SUFU: variants seen among roughly 807,000 people sequenced by gnomAD.
SUFU encodes the protein suppressor of fused homolog.
Under a neutral mutation model 58.9 loss-of-function variants are expected in SUFU, and 7 were observed. That is an observed-to-expected ratio of 0.12 (90% confidence interval 0.07 to 0.22). SUFU has a LOEUF of 0.22. Ranked by LOEUF, SUFU falls within the 10% of genes least tolerant of loss-of-function variation. The probability of loss-of-function intolerance (pLI) is 1.00; values close to 1 mark genes in which losing one functional copy is unlikely to be tolerated. For synonymous variants in SUFU, 232 were observed against 254.8 expected (o/e 0.91, Z 0.85); for missense variants, 451 against 641.3 (o/e 0.70, Z 3.20).
intron 6 of SUFU, among the ~76,000 whole-genome samples, chr10:102,595,061 A>G (rs1248573788): frequency 2.6e-5 from 4 of 152,170 alleles, no homozygotes; most frequent in African/African-American, 7.2e-5. Flanking sequence ...AGCAGGAGCC[A>G]CAGACAGCTA....
At chr10:102,568,939 T>TATATATACATATATATAC (rs1564685799) in intron 3 of SUFU, among the ~76,000 whole-genome samples, 3 of 43,762 alleles carry the variant, frequency 6.9e-5, no homozygotes, top group African/African-American at 2.5e-4. Flanking sequence ...TATATATATA[T>TATATATACATATATATAC]ATATATATAT....
chr10:102,592,287 T>C (rs929601706), intron 3 of SUFU, among the ~76,000 whole-genome samples: 1 of 152,192 alleles, frequency 6.6e-6, no homozygotes, highest in Non-Finnish European at 1.5e-5. Flanking sequence ...AGTCGGGATA[T>C]TGGGGAAGCG....
At chr10:102,571,481 A>G (rs1006773575) in intron 3 of SUFU, among the ~76,000 whole-genome samples, 10 of 151,416 alleles carry the variant, frequency 6.6e-5, no homozygotes, top group African/African-American at 2.4e-4. Context: ...CCTGGGCAAC[A>G]TGCCGAAACC....
chr10:102,614,417 A>T (rs1441387642), intron 8 of SUFU, among the ~76,000 whole-genome samples: 1 of 149,736 alleles, frequency 6.7e-6, no homozygotes, highest in Non-Finnish European at 1.5e-5. Context: ...AATTAGCTGG[A>T]CATGATGGCA....
chr10:102,529,255 G>A (rs565012893), intron 2 of SUFU, among the ~76,000 whole-genome samples: 1 of 152,100 alleles, frequency 6.6e-6, no homozygotes, highest in African/African-American at 2.4e-5. Context: ...ACTGAATTCT[G>A]TTGTAATGGC....
intron 3 of SUFU, among the ~76,000 whole-genome samples, chr10:102,588,845 A>G (rs565646647): frequency 1.7e-4 from 26 of 152,222 alleles, no homozygotes; most frequent in Non-Finnish European, 3.1e-4. Context: ...CCTTTGTTAA[A>G]TGAAGCATTG....
chr10:102,597,013 A>G, intron 6 of SUFU, 127 bp from the exon 7 acceptor site: 2 of 1,132,240 alleles, frequency 1.8e-6, no homozygotes, highest in Non-Finnish European at 2.6e-6. Flanking sequence ...CCTGCTCTCC[A>G]GCATTTGTCC....
At chr10:102,577,016 T>G (rs1482564662) in intron 3 of SUFU, among the ~76,000 whole-genome samples, 1 of 151,994 alleles carries the variant, frequency 6.6e-6, no homozygotes, top group Non-Finnish European at 1.5e-5. Flanking sequence ...GGGTTTTCAT[T>G]CCTGATTTAA....
intron 2 of SUFU, among the ~76,000 whole-genome samples, chr10:102,511,138 GTAATAA>G (rs55690435): frequency 2.8e-4 from 40 of 143,874 alleles, no homozygotes; most frequent in Admixed American, 1.6e-3. Context: ...AAAAAAAAAA[GTAATAA>G]TAATAATAAT....
chr10:102,626,873 C>T (rs2063791098), intron 10 of SUFU, among the ~76,000 whole-genome samples: 1 of 152,044 alleles, frequency 6.6e-6, no homozygotes, highest in African/African-American at 2.4e-5. Context: ...TTTTTACCGG[C>T]CCCACCAGTG....
chr10:102,521,089 G>A (rs1055292182), intron 2 of SUFU, among the ~76,000 whole-genome samples: 2 of 152,136 alleles, frequency 1.3e-5, no homozygotes, highest in African/African-American at 4.8e-5. Flanking sequence ...ATTCCCACTA[G>A]CAATGAATGA....
intron 8 of SUFU, among the ~76,000 whole-genome samples, chr10:102,610,381 A>T (rs2063609709): frequency 1.1e-5 from 1 of 90,902 alleles, no homozygotes; most frequent in Non-Finnish European, 2.1e-5. Context: ...CGTCGCAGCA[A>T]GACTCTGTCT....
chr10:102,556,013 G>A (rs1245926395), intron 3 of SUFU, among the ~76,000 whole-genome samples: 1 of 152,236 alleles, frequency 6.6e-6, no homozygotes, highest in Admixed American at 6.5e-5. Context: ...ATTTGCACGT[G>A]AGAACATGCT....
intron 7 of SUFU, 140 bp downstream of exon 7, chr10:102,597,433 T>A: frequency 8.5e-7 from 1 of 1,169,980 alleles, no homozygotes; most frequent in African/African-American, 1.5e-5. Context: ...AAACAGCAAG[T>A]GAAGTCTTCC....
At chr10:102,582,679 G>A (rs2063294460) in intron 3 of SUFU, among the ~76,000 whole-genome samples, 1 of 152,068 alleles carries the variant, frequency 6.6e-6, no homozygotes, top group Non-Finnish European at 1.5e-5. Flanking sequence ...ATTTTTGGCG[G>A]GGAGGGGAGA....
intron 6 of SUFU, among the ~76,000 whole-genome samples, chr10:102,596,008 G>A (rs1215804938): frequency 6.6e-6 from 1 of 152,146 alleles, no homozygotes; most frequent in Non-Finnish European, 1.5e-5. Flanking sequence ...GCACACCAGG[G>A]TATACATGCT....
intron 3 of SUFU, among the ~76,000 whole-genome samples, chr10:102,566,764 CAAA>C (rs1213985884): frequency 0.056 from 4,128 of 73,498 alleles, 300 homozygotes; most frequent in African/African-American, 0.2. Flanking sequence ...GACTCTGTCT[CAAA>C]AAAAAAAAAA....
chr10:102,520,035 G>C (rs1056232655), intron 2 of SUFU, among the ~76,000 whole-genome samples: 2 of 151,892 alleles, frequency 1.3e-5, no homozygotes, highest in Non-Finnish European at 2.9e-5. Flanking sequence ...GCCTCCCAAA[G>C]TGCTGGGATT....
intron 2 of SUFU, among the ~76,000 whole-genome samples, chr10:102,521,263 A>G (rs1333017120): frequency 6.6e-6 from 1 of 152,098 alleles, no homozygotes; most frequent in Non-Finnish European, 1.5e-5. Flanking sequence ...TCATCTGTAT[A>G]TCTTCTTTGG....
Sources: allele counts gnomAD v4.1 joint callset (sites outside exome capture counted in the v4.1 genomes callset), GRCh38; gene constraint gnomAD v4.1.1; transcripts MANE v1.5; gene names NCBI Gene and HGNC (gene_info 2026-07-23, HGNC 2026-07-21).